SORCS2: variants seen among roughly 807,000 people sequenced by gnomAD.
SORCS2 encodes sortilin related VPS10 domain containing receptor 2.
Under a neutral mutation model 141.6 loss-of-function variants are expected in SORCS2, and 100 were observed. The ratio of observed to expected loss-of-function variants is 0.71; its 90% CI spans 0.60 to 0.83. The LOEUF (loss-of-function observed/expected upper bound fraction) is 0.83, where lower values mean the gene tolerates loss of function less well. Among genes scored for constraint, SORCS2 ranks in the 40% least tolerant of loss-of-function variants. The probability of loss-of-function intolerance (pLI) is 0.00; values close to 1 mark genes in which losing one functional copy is unlikely to be tolerated. For missense variants in SORCS2, 1,646 were observed against 1,560.2 expected (o/e 1.05, Z -0.93); for synonymous variants, 789 against 676.9 (o/e 1.17, Z -2.57).
chr4:7,691,635 C>T (rs1323165306), intron 11 of SORCS2, among the ~76,000 whole-genome samples: 1 of 152,092 alleles, frequency 6.6e-6, no homozygotes, highest in Non-Finnish European at 1.5e-5. Context: ...GAAAATGTGA[C>T]CCATCAGCAT....
intron 2 of SORCS2, chr4:7,433,757 C>G: frequency 6.2e-7 from 1 of 1,613,404 alleles, no homozygotes; most frequent in Non-Finnish European, 8.5e-7. Context: ...GCATCATGGA[C>G]TGCCCGGGCC....
chr4:7,517,484 T>C (rs757795456), intron 2 of SORCS2, among the ~76,000 whole-genome samples: 1 of 152,228 alleles, frequency 6.6e-6, no homozygotes, highest in Non-Finnish European at 1.5e-5. Flanking sequence ...AAACACTCAA[T>C]ACGTCATTTG....
At chr4:7,250,978 G>A (rs1713471983) in intron 1 of SORCS2, among the ~76,000 whole-genome samples, 1 of 152,246 alleles carries the variant, frequency 6.6e-6, no homozygotes, top group Admixed American at 6.5e-5. Context: ...CGCTGGAGTG[G>A]GCATTAGGAG....
At chr4:7,491,646 C>G (rs1731321193) in intron 2 of SORCS2, among the ~76,000 whole-genome samples, 1 of 152,228 alleles carries the variant, frequency 6.6e-6, no homozygotes, top group African/African-American at 2.4e-5. Flanking sequence ...TCATTTGTAA[C>G]AGGAGATGAT....
intron 2 of SORCS2, among the ~76,000 whole-genome samples, chr4:7,411,472 T>C (rs570489015): frequency 6.6e-6 from 1 of 152,120 alleles, no homozygotes; most frequent in East Asian, 1.9e-4. Context: ...TCCATTCCTC[T>C]ATCTTCTCTC....
At chr4:7,559,360 C>A (rs79156529) in intron 3 of SORCS2, among the ~76,000 whole-genome samples, 5,177 of 152,278 alleles carry the variant, frequency 0.034, 105 homozygotes, top group Middle Eastern at 0.051. Flanking sequence ...CTGAGCCACT[C>A]TAGGGGACCG....
chr4:7,673,740 G>C lies in SORCS2; in HGVS notation c.1162-2310G>C, dbSNP rs78246355. Among the ~76,000 whole-genome samples, 978 of 152,212 alleles carry C rather than the reference G, an allele frequency of 6.4e-3. 5 individuals carry two copies. Among genetic ancestry groups the C allele is most frequent in the Middle Eastern group, 0.01 (3 of 294 alleles). ...CCCAGGTTATGTAAACATTTACCCAGGGGCATAGGAGGCACCATGTGACTT... is the reference window on the plus strand; with the variant it reads ...CCCAGGTTATGTAAACATTTACCCACGGGCATAGGAGGCACCATGTGACTT... On this transcript the variant is annotated intron_variant, in intron 8 of 26. Transcript: ENST00000507866.
intron 2 of SORCS2, among the ~76,000 whole-genome samples, chr4:7,468,875 C>T (rs966191495): frequency 2.0e-5 from 3 of 152,218 alleles, no homozygotes; most frequent in African/African-American, 4.8e-5. Context: ...TGTTGTCAGG[C>T]AGCTCTGTGT....
chr4:7,480,299 G>A (rs932777152), intron 2 of SORCS2, among the ~76,000 whole-genome samples: 2 of 152,192 alleles, frequency 1.3e-5, no homozygotes, highest in Admixed American at 6.5e-5. Context: ...GATGGATGCT[G>A]GTGCTTGAGA....
intron 1 of SORCS2, among the ~76,000 whole-genome samples, chr4:7,301,740 G>T (rs1717446628): frequency 6.6e-6 from 1 of 152,236 alleles, no homozygotes. Context: ...GTGAAGATGG[G>T]CAATTGCTCT....
At chr4:7,457,752 G>A (rs2109313956) in intron 2 of SORCS2, among the ~76,000 whole-genome samples, 1 of 152,374 alleles carries the variant, frequency 6.6e-6, no homozygotes, top group East Asian at 1.9e-4. Flanking sequence ...ACAGCATCAG[G>A]GGTGTTTTCC....
intron 1 of SORCS2, among the ~76,000 whole-genome samples, chr4:7,255,579 G>A (rs569318941): frequency 6.6e-6 from 1 of 152,318 alleles, no homozygotes; most frequent in South Asian, 2.1e-4. Context: ...GTGGTCCAGA[G>A]ACAGGCCTGA....
chr4:7,600,740 C>T (rs886650784), intron 3 of SORCS2, among the ~76,000 whole-genome samples: 11 of 151,724 alleles, frequency 7.3e-5, no homozygotes, highest in East Asian at 3.9e-4. Flanking sequence ...TAAATCAAAT[C>T]GTTCTGTCAT....
chr4:7,373,003 T>G (rs1722356980), intron 1 of SORCS2, among the ~76,000 whole-genome samples: 1 of 113,496 alleles, frequency 8.8e-6, no homozygotes, highest in Non-Finnish European at 2.0e-5. Flanking sequence ...CTTGGTGGTT[T>G]CTGTTTTTTT....
intron 1 of SORCS2, among the ~76,000 whole-genome samples, chr4:7,315,154 G>C (rs6842090): frequency 0.6 from 90,719 of 151,974 alleles, 27,176 homozygotes; most frequent in South Asian, 0.73. Flanking sequence ...TCTTCTTGTA[G>C]CTCTCCCCTC....
chr4:7,346,613 A>T (rs769457065), intron 1 of SORCS2, among the ~76,000 whole-genome samples: 1 of 152,252 alleles, frequency 6.6e-6, no homozygotes, highest in Non-Finnish European at 1.5e-5. Flanking sequence ...TTGCACTAAT[A>T]ATTATTGAGA....
At chr4:7,602,632 T>A (rs1334436251) in intron 3 of SORCS2, among the ~76,000 whole-genome samples, 5 of 140,932 alleles carry the variant, frequency 3.5e-5, no homozygotes, top group Non-Finnish European at 7.6e-5. Context: ...CTCACTTCCT[T>A]GACGGGATGA....
At chr4:7,195,039 T>G in intron 1 of SORCS2, among the ~76,000 whole-genome samples, 3 of 150,934 alleles carry the variant, frequency 2.0e-5, no homozygotes, top group African/African-American at 2.4e-5. Context: ...GGAGGGAGCT[T>G]GGGCCAGCAG....
At chr4:7,313,239 G>A (rs926753884) in intron 1 of SORCS2, among the ~76,000 whole-genome samples, 1 of 152,238 alleles carries the variant, frequency 6.6e-6, no homozygotes, top group African/African-American at 2.4e-5. Context: ...TTAGCTAAAC[G>A]TGCGCTGTGG....
Sources: allele counts gnomAD v4.1 joint callset (sites outside exome capture counted in the v4.1 genomes callset), GRCh38; gene constraint gnomAD v4.1.1; transcripts MANE v1.5; gene names NCBI Gene and HGNC (gene_info 2026-07-23, HGNC 2026-07-21).